The following BCAR1 variants were observed in gnomAD, a reference collection of about 807,000 sequenced individuals.
BCAR1 encodes the protein BCAR1 scaffold protein, Cas family member.
A neutral mutation model predicts 67.6 loss-of-function variants in BCAR1; 30 were observed. That is an observed-to-expected ratio of 0.44 (90% CI 0.33 to 0.60). The LOEUF is 0.60. Ranked by LOEUF, BCAR1 falls within the 20% of genes least tolerant of loss-of-function variation. BCAR1 has a pLI of 0.02. For synonymous variants in BCAR1, 626 were observed against 556.7 expected (o/e 1.12, Z -1.75); for missense variants, 1,313 against 1,222.3 (o/e 1.07, Z -1.11).
rs564585352 is a variant in BCAR1 at position 75,264,137 on chromosome 16, T to C, written c.66+3778A>G. 4.5e-5 allele frequency: 59 copies of C among 1,301,782 alleles called. No individual in the cohort carries two copies. In the South Asian group the frequency reaches 7.6e-4, roughly 17 times the overall value. 80.6% of individuals were successfully genotyped at this position (1,301,782 alleles called of 1,614,324 possible). A position where few individuals can be genotyped will look rare whatever the true frequency, so the allele number is the denominator to read the frequency against. On this transcript the variant is annotated intron_variant, in intron 1 of 6. Transcript: ENST00000393422. Reference sequence around the variant, plus strand: ...GTCCAAGTCCTACCCAGCCCGCTGTTCCTCTCTTGTTACAGATGAGGCACA... The same window carrying C: ...GTCCAAGTCCTACCCAGCCCGCTGTCCCTCTCTTGTTACAGATGAGGCACA...
At chr16:75,257,480 A>C (rs1463946746) in intron 1 of BCAR1, among the ~76,000 whole-genome samples, 1 of 152,048 alleles carries the variant, frequency 6.6e-6, no homozygotes, top group Non-Finnish European at 1.5e-5. Flanking sequence ...TTTTTTAAAG[A>C]CAAGGTCTCT....
At position 75,251,223 on chromosome 16, in the gene BCAR1, C is replaced by T. The variant is rs577670786; in HGVS notation, c.12+248G>A. On this transcript the variant is annotated intron_variant, in intron 1 of 6. Coordinates refer to ENST00000162330, the MANE Select transcript of BCAR1 (RefSeq NM_014567.5). ...CCAGCCACTTTCCCGACACAGGAAC[C>T]CTCCTACCGGCTGGCGGCCCCCGCG... 2.0e-3 allele frequency among the ~76,000 whole-genome samples: 302 copies of T among 152,176 alleles called. 2 individuals carry two copies. The highest frequency in any genetic ancestry group is 7.1e-3 in the African/African-American group (294 of 41,566).
In BCAR1 at chr16:75,234,989, AG is replaced by A; in HGVS notation, c.1909del (p.Leu637CysfsTer65). The A allele has an allele frequency of 6.2e-7, 1 of 1,608,888 alleles. No homozygotes were observed. Among genetic ancestry groups the A allele is most frequent in the Non-Finnish European group, 8.5e-7 (1 of 1,176,350 alleles). ...DKTSSIQSRP[L>X]PSPPKFTSQD... ...GGAGGTGAACTTAGGGGGTGAGGGC[AG>A]GGGTCGTGACTGGATGCTGCTGGTC... On this transcript the variant is annotated frameshift_variant, in exon 5 of 7. Coordinates refer to ENST00000162330, the MANE Select transcript of BCAR1 (RefSeq NM_014567.5). LOFTEE classifies it high-confidence loss of function.
upstream of BCAR1, chr16:75,252,380 A>G: frequency 4.6e-6 from 7 of 1,512,652 alleles, no homozygotes; most frequent in South Asian, 1.2e-5. Flanking sequence ...CTTCAGCGAC[A>G]TGGGGTAGGA....
intron 1 of BCAR1, chr16:75,266,019 G>A: frequency 9.7e-7 from 1 of 1,026,898 alleles, no homozygotes; most frequent in Non-Finnish European, 1.2e-6. Flanking sequence ...CGCCGCCCGC[G>A]CCGCCCCCCC....
In BCAR1 at chr16:75,251,463, GCCCTCACCAGGT is replaced by G. The variant is rs755964841; in HGVS notation, c.8_12+7del. ...CGTACGCGGCCCGGCCCCACCTGGC[GCCCTCACCAGGT>G]GGTTCATGGTGTCCGGCGGGCCTGG... is the stretch of plus-strand genomic sequence containing the variant. On this transcript the variant is annotated splice_donor_variant and splice_donor_5th_base_variant and coding_sequence_variant and intron_variant, in exon 1 of 7. Transcript: ENST00000162330. LOFTEE classifies it high-confidence loss of function. 53 of 1,451,440 alleles carry G rather than the reference GCCCTCACCAGGT, an allele frequency of 3.7e-5. No individual in the cohort carries two copies. Among genetic ancestry groups the G allele is most frequent in the Non-Finnish European group, 3.4e-5 (38 of 1,101,696 alleles). 89.9% of individuals were successfully genotyped at this position (1,451,440 alleles called of 1,614,324 possible).
rs2076828875 is a variant in BCAR1 at position 75,229,821 on chromosome 16, G to A, written c.2303C>T (p.Ala768Val). ...CTTGGGCGGCTGGTTGGTGGCCACG[G>A]CGGTAAAGAAGGCGTCCACGGCGTT... ...LTNAVDAFFTAVATNQPPKIF... is the reference protein window; with the variant it reads ...LTNAVDAFFTVVATNQPPKIF... Residue 768 changes from alanine to valine, a missense_variant, in exon 7 of 7, where the codon GCC (alanine) becomes GTC (valine). Ala to Val is a moderately conservative substitution (Grantham distance 64, BLOSUM62 0). Around this residue, in one of 2 missense-constraint regions of BCAR1, gnomAD observed 1,272 missense variants for 1,137.5 expected, o/e 1.12. Coordinates refer to ENST00000162330, the MANE Select transcript of BCAR1 (RefSeq NM_014567.5). The A allele has an allele frequency of 2.5e-6, 4 of 1,613,518 alleles. No individual in the cohort carries two copies. Among genetic ancestry groups the A allele is most frequent in the Non-Finnish European group, 3.4e-6 (4 of 1,180,002 alleles).
intron 6 of BCAR1, among the ~76,000 whole-genome samples, chr16:75,232,046 T>A (rs1308281876): frequency 6.6e-6 from 1 of 150,714 alleles, no homozygotes; most frequent in Non-Finnish European, 1.5e-5. Flanking sequence ...CATGCCCAGC[T>A]AATTGTTTTG....
At chr16:75,252,539 C>T, upstream of BCAR1, 1 of 871,726 alleles carries the variant, frequency 1.1e-6, no homozygotes, top group Non-Finnish European at 1.6e-6. Flanking sequence ...TGCCAGAGCC[C>T]CTGGGCCAGG....
intron 1 of BCAR1, chr16:75,247,154 T>TGCA (rs2077543893): frequency 2.6e-5 from 4 of 154,230 alleles, no homozygotes; most frequent in African/African-American, 9.6e-5. Context: ...TTCACACCCC[T>TGCA]GCACCCCAGG....
rs771061388 is a variant in BCAR1, at chr16:75,267,878, A to G, written c.66+37T>C. 1.4e-4 allele frequency: 221 copies of G among 1,574,878 alleles called. 3 individuals are homozygous for G. In the South Asian group the frequency reaches 2.4e-3, roughly 17 times the overall value. ...GGGCATCAGTAACTCAGCCCTTAGC[A>G]GGGAGAGAGGGGACCCTGGCTAGAG... On this transcript the variant is annotated intron_variant, in intron 1 of 6. Transcript: ENST00000393422.
intron 1 of BCAR1, chr16:75,250,738 C>T: frequency 1.0e-6 from 1 of 985,532 alleles, no homozygotes; most frequent in Non-Finnish European, 1.2e-6. Flanking sequence ...CTTGCGGGTC[C>T]CCCAACCATG....
intron 1 of BCAR1, chr16:75,263,131 C>A: frequency 1.1e-6 from 1 of 884,606 alleles, no homozygotes; most frequent in Non-Finnish European, 1.4e-6. Context: ...AAGGAGCCAT[C>A]CCTCAACGAA....
chr16:75,253,623 T>C (rs986125209), upstream of BCAR1, among the ~76,000 whole-genome samples: 5 of 151,894 alleles, frequency 3.3e-5, no homozygotes, highest in African/African-American at 9.7e-5. Flanking sequence ...ATTTCAAAAA[T>C]TTGCTCCTTT....
chr16:75,236,656 G>T, intron 4 of BCAR1: 1 of 813,786 alleles, frequency 1.2e-6, no homozygotes, highest in Non-Finnish European at 1.7e-6. Context: ...CCTCTCAGGA[G>T]CTCATGGAGA....
Position 75,235,173 on chromosome 16 carries a change from G to T in BCAR1, c.1726C>A (p.Leu576Met), listed in dbSNP as rs745847112. ...RGGSGATLEDLDRLVACSRAV... is the reference protein window; with the variant it reads ...RGGSGATLEDMDRLVACSRAV... Reference sequence around the variant, plus strand: ...CGCGAGCAGGCCACCAGCCGGTCCAGGTCCTCAAGGGTGGCTCCAGAGCCT... The same window carrying T: ...CGCGAGCAGGCCACCAGCCGGTCCATGTCCTCAAGGGTGGCTCCAGAGCCT... Residue 576 changes from leucine to methionine, a missense_variant, in exon 5 of 7, where the codon CTG becomes ATG. By Grantham distance (15) the Leu-to-Met change is conservative (BLOSUM62 2). Around this residue, in one of 2 missense-constraint regions of BCAR1, gnomAD observed 1,272 missense variants for 1,137.5 expected, o/e 1.12. Transcript: ENST00000162330. 3 of 1,608,710 alleles carry T rather than the reference G, an allele frequency of 1.9e-6. No individual in the cohort carries two copies. The highest frequency in any genetic ancestry group is 1.7e-6 in the Non-Finnish European group (2 of 1,179,696).
chr16:75,254,808 C>T (rs1273806402), upstream of BCAR1, among the ~76,000 whole-genome samples: 1 of 152,058 alleles, frequency 6.6e-6, no homozygotes, highest in Non-Finnish European at 1.5e-5. Context: ...CCCCTCAGGG[C>T]CTGGAATAGC....
chr16:75,239,096 G>A (rs1597208740), intron 2 of BCAR1: 1 of 985,310 alleles, frequency 1.0e-6, no homozygotes, highest in Admixed American at 6.1e-5. Context: ...GGCAGCCACA[G>A]TGACCAAATG....
In BCAR1 at chr16:75,238,283, G is replaced by T. The variant is rs190077582; in HGVS notation, c.634-939C>A. The T allele has an allele frequency of 8.5e-4, 990 of 1,159,996 alleles. 3 individuals carry two copies. Among genetic ancestry groups the T allele is most frequent in the Non-Finnish European group, 1.0e-3 (943 of 925,880 alleles). 71.9% of individuals were successfully genotyped at this position (1,159,996 alleles called of 1,614,324 possible). ...AAGGCCTCCCTGGTGGGATTCTCCA[G>T]CCCCCGGGCACACTGCGCCCACACG... On this transcript the variant is annotated intron_variant, in intron 2 of 6. Transcript: ENST00000162330.
Sources: allele counts gnomAD v4.1 joint callset (sites outside exome capture counted in the v4.1 genomes callset), GRCh38; gene constraint gnomAD v4.1.1; regional missense constraint gnomAD v4.1.1; transcripts MANE v1.5; gene names NCBI Gene and HGNC (gene_info 2026-07-23, HGNC 2026-07-21).